BRAP: variants seen among roughly 807,000 people sequenced by gnomAD.
BRAP encodes BRCA1 associated protein.
Under a neutral mutation model 73.4 loss-of-function variants are expected in BRAP, and 42 were observed. That is an observed-to-expected ratio of 0.57 (90% CI 0.45 to 0.74). The LOEUF is 0.74. Among genes scored for constraint, BRAP ranks in the 30% least tolerant of loss-of-function variants. The probability of loss-of-function intolerance (pLI) is 0.00; values close to 1 mark genes in which losing one functional copy is unlikely to be tolerated. For synonymous variants in BRAP, 255 were observed against 267.4 expected (o/e 0.95, Z 0.45); for missense variants, 593 against 751.4 (o/e 0.79, Z 2.46).
chr12:111,651,536 C>CAA (rs111761278), intron 10 of BRAP, among the ~76,000 whole-genome samples: 10 of 147,572 alleles, frequency 6.8e-5, no homozygotes, highest in African/African-American at 2.5e-4. Context: ...GACACCATTA[C>CAA]AAAAAAAATA....
intron 2 of BRAP, among the ~76,000 whole-genome samples, chr12:111,682,718 C>A (rs138999562): frequency 1.1e-4 from 17 of 151,876 alleles, no homozygotes; most frequent in Non-Finnish European, 2.5e-4. Context: ...ATGAGACCAG[C>A]CTGGCTAACA....
intron 10 of BRAP, among the ~76,000 whole-genome samples, chr12:111,653,594 AAC>A (rs1384206477): frequency 6.6e-6 from 1 of 152,162 alleles, no homozygotes; most frequent in Non-Finnish European, 1.5e-5. Context: ...GGGGGAAAGA[AAC>A]AGTGTTTATA....
chr12:111,662,894 G>A (rs899250154), intron 6 of BRAP, among the ~76,000 whole-genome samples: 1 of 151,110 alleles, frequency 6.6e-6, no homozygotes, highest in Non-Finnish European at 1.5e-5. Flanking sequence ...GCCGAGGCAG[G>A]AGGATGGCTT....
In BRAP at chr12:111,685,757, G is replaced by A. The variant is rs764605663; in HGVS notation, c.36C>T (p.Leu12=). 2.5e-6 allele frequency: 4 copies of A among 1,610,222 alleles called. No homozygotes were observed. Among genetic ancestry groups the A allele is most frequent in the East Asian group, 2.2e-5 (1 of 44,686 alleles). ...SVSLVVIRLE[L]AEHSPVPAGF... is the part of the protein sequence containing the mutation. The stretch of plus-strand genomic sequence containing the variant: ...CGGCGGGGACAGGCGAGTGTTCCGC[G>A]AGCTCCAATCGGATAACAACCAGTG... Residue 12 remains leucine (L), a synonymous_variant, in exon 1 of 12, where the codon CTC becomes CTT. Coordinates refer to ENST00000419234, the MANE Select transcript of BRAP (RefSeq NM_006768.5).
At chr12:111,660,696 T>C (rs377296298) in intron 6 of BRAP, 21 bp from the exon 7 acceptor site, 47 of 1,586,642 alleles carry the variant, frequency 3.0e-5, no homozygotes, top group Non-Finnish European at 3.8e-5. Flanking sequence ...CACCAAAAGA[T>C]AATGGTGCAG....
At chr12:111,648,241 T>C (rs1032516968) in intron 11 of BRAP, among the ~76,000 whole-genome samples, 2 of 146,366 alleles carry the variant, frequency 1.4e-5, no homozygotes, top group African/African-American at 5.1e-5. Context: ...GAGGTTGCAG[T>C]GAACTGAGAT....
At chr12:111,680,048 C>T (rs1421991385) in intron 3 of BRAP, among the ~76,000 whole-genome samples, 1 of 150,978 alleles carries the variant, frequency 6.6e-6, no homozygotes, top group Non-Finnish European at 1.5e-5. Flanking sequence ...ACCTCTGACT[C>T]CTGGGTTCAA....
intron 4 of BRAP, among the ~76,000 whole-genome samples, chr12:111,677,633 A>G (rs1200998391): frequency 6.6e-6 from 1 of 152,130 alleles, no homozygotes; most frequent in Non-Finnish European, 1.5e-5. Context: ...AACGTTGGAT[A>G]TTATCATCAT....
At chr12:111,652,494 G>GT (rs1013972013) in intron 10 of BRAP, among the ~76,000 whole-genome samples, 30 of 152,006 alleles carry the variant, frequency 2.0e-4, no homozygotes, top group African/African-American at 7.0e-4. Context: ...AAGTGTTGGG[G>GT]TTACAGGCAT....
chr12:111,672,851 G>T (rs953339910), intron 4 of BRAP, 77 bp from the exon 5 acceptor site: 22 of 1,124,742 alleles, frequency 2.0e-5, no homozygotes, highest in Non-Finnish European at 2.6e-5. Context: ...AATATGCATG[G>T]CTTTATTCAT....
Position 111,644,507 on chromosome 12 carries a change from G to A in BRAP, c.1471C>T (p.Gln491Ter). 6.2e-7 allele frequency: 1 copy of A among 1,614,052 alleles called. No homozygotes were observed. Among genetic ancestry groups the A allele is most frequent in the Non-Finnish European group, 8.5e-7 (1 of 1,179,988 alleles). ...GCTCGCAAACACTTGTTCATTTCCT[G>A]CTCCTCTTTGAGCTCGTTGGTGAGT... is the stretch of plus-strand genomic sequence containing the variant. ...AKLTNELKEE[Q>*]EMNKCLRANQ... is the part of the protein sequence containing the mutation. Residue 491 changes from glutamine to a stop codon, truncating the protein, a stop_gained, in exon 12 of 12, where the codon CAG becomes TAG. Transcript: ENST00000419234. LOFTEE classifies it high-confidence loss of function.
rs565349424 is a variant in BRAP at position 111,667,698 on chromosome 12, C to CAAAAAAAAAAAAAAAAAAAA, written c.748-1931_748-1912dup. ...TGGGAGACAGAGTGAAACTCCGTCT[C>CAAAAAAAAAAAAAAAAAAAA]AAAAAAAAAAAAAAAAAAAAAAAGC... On this transcript the variant is annotated intron_variant, in intron 5 of 11. Transcript: ENST00000419234. Among the ~76,000 whole-genome samples the CAAAAAAAAAAAAAAAAAAAA allele has an allele frequency of 3.2e-3, 69 of 21,274 alleles. 7 individuals are homozygous for CAAAAAAAAAAAAAAAAAAAA. The highest frequency in any genetic ancestry group is 5.2e-3 in the East Asian group (1 of 192). The allele number at this position is 21,274 out of a possible 152,430, so 14.0% of individuals were successfully genotyped here.
At chr12:111,670,766 A>G (rs1044963818) in intron 5 of BRAP, among the ~76,000 whole-genome samples, 1 of 152,082 alleles carries the variant, frequency 6.6e-6, no homozygotes, top group African/African-American at 2.4e-5. Flanking sequence ...CTGGGATTAC[A>G]AGCATGAGAC....
chr12:111,658,403 C>T (rs1264358024), intron 9 of BRAP, among the ~76,000 whole-genome samples: 3 of 151,468 alleles, frequency 2.0e-5, no homozygotes, highest in South Asian at 2.1e-4. Flanking sequence ...CAGGTTCAAG[C>T]GATTCTCTGC....
intron 6 of BRAP, among the ~76,000 whole-genome samples, chr12:111,662,249 A>G (rs1886783468): frequency 1.3e-5 from 2 of 152,188 alleles, no homozygotes. Flanking sequence ...GGAAGAAACA[A>G]TGCTCAAGAT....
At position 111,659,452 on chromosome 12, in the gene BRAP, G is replaced by C. The variant is rs148806939; in HGVS notation, c.973-107C>G. ...ATGGATCACCTGAGGTCAGGAGTTCGAGACCAGCCTGGCCAACATGATGAA... is the reference window on the plus strand; with the variant it reads ...ATGGATCACCTGAGGTCAGGAGTTCCAGACCAGCCTGGCCAACATGATGAA... On this transcript the variant is annotated intron_variant, in intron 7 of 11. Transcript: ENST00000419234. The C allele has an allele frequency of 7.5e-5, 78 of 1,039,358 alleles. No homozygotes were observed. In the East Asian group the frequency reaches 1.6e-3, roughly 21 times the overall value. 64.4% of individuals were successfully genotyped at this position (1,039,358 alleles called of 1,614,324 possible). A position where few individuals can be genotyped will look rare whatever the true frequency, so the allele number is the denominator to read the frequency against.
intron 1 of BRAP, among the ~76,000 whole-genome samples, chr12:111,684,980 G>C (rs1887755020): frequency 6.6e-6 from 1 of 152,070 alleles, no homozygotes; most frequent in South Asian, 2.1e-4. Context: ...AGTATTTCTT[G>C]AATGAATGTT....
intron 11 of BRAP, among the ~76,000 whole-genome samples, chr12:111,648,074 C>A (rs1033130283): frequency 2.0e-5 from 3 of 151,124 alleles, no homozygotes; most frequent in Non-Finnish European, 4.4e-5. Flanking sequence ...CTGAGGAGGG[C>A]GGATCATGAG....
chr12:111,655,922 A>C (rs145806827), intron 9 of BRAP, among the ~76,000 whole-genome samples: 1 of 152,208 alleles, frequency 6.6e-6, no homozygotes, highest in African/African-American at 2.4e-5. Context: ...CTTTAAGAAG[A>C]ACCACAGTGG....
Sources: gnomAD v4.1 joint callset for allele counts (sites outside exome capture counted in the v4.1 genomes callset) on GRCh38, gnomAD v4.1.1 for gene constraint, MANE v1.5 for transcripts, NCBI Gene and HGNC (gene_info 2026-07-23, HGNC 2026-07-21) for gene names.